The following OTOGL variants were observed in gnomAD, a reference collection of about 807,000 sequenced individuals.
OTOGL encodes the protein otogelin like.
Under a neutral mutation model 318.5 loss-of-function variants are expected in OTOGL, and 285 were observed. The observed-to-expected ratio is 0.89, with a 90% confidence interval of 0.81 to 0.99. The LOEUF (loss-of-function observed/expected upper bound fraction) is 0.99. Ranked by LOEUF, OTOGL falls within the 50% of genes least tolerant of loss-of-function variation. OTOGL has a pLI of 0.00. For synonymous variants in OTOGL, 987 were observed against 936.5 expected, an observed-to-expected ratio of 1.05 and a Z score of -0.99; for missense variants, 2,899 against 2,845.6, an observed-to-expected ratio of 1.02 and a Z score of -0.43.
chr12:80,333,513 A>G (rs1888208345), intron 38 of OTOGL, among the ~76,000 whole-genome samples: 1 of 152,014 alleles, frequency 6.6e-6, no homozygotes, highest in Non-Finnish European at 1.5e-5. Context: ...TATCAAATAT[A>G]CCATTTGCTC....
intron 1 of OTOGL, among the ~76,000 whole-genome samples, chr12:80,171,821 CAACT>C (rs746899544): frequency 3.1e-4 from 47 of 152,164 alleles, no homozygotes; most frequent in African/African-American, 6.3e-4. Context: ...TAGATCTTTT[CAACT>C]AACTATCTTT....
intron 1 of OTOGL, among the ~76,000 whole-genome samples, chr12:80,118,200 C>A (rs1170006561): frequency 6.6e-6 from 1 of 152,118 alleles, no homozygotes; most frequent in Non-Finnish European, 1.5e-5. Context: ...AGTTTGGCAG[C>A]CTCTGATGAG....
At chr12:80,306,181 C>G (rs2137754900) in intron 29 of OTOGL, among the ~76,000 whole-genome samples, 1 of 152,282 alleles carries the variant, frequency 6.6e-6, no homozygotes, top group Non-Finnish European at 1.5e-5. Flanking sequence ...GGTCAACTAC[C>G]TTTGGCAGCA....
intron 16 of OTOGL, among the ~76,000 whole-genome samples, chr12:80,255,598 A>T (rs1304030669): frequency 1.3e-5 from 2 of 151,898 alleles, no homozygotes; most frequent in Non-Finnish European, 2.9e-5. Flanking sequence ...TTTTAAAGAG[A>T]CTATTTTTGA....
At chr12:80,199,100 G>T (rs1001627556) in intron 1 of OTOGL, among the ~76,000 whole-genome samples, 8 of 152,020 alleles carry the variant, frequency 5.3e-5, no homozygotes, top group African/African-American at 1.9e-4. Flanking sequence ...TTCTGTTATT[G>T]GGATGAAGTT....
intron 1 of OTOGL, among the ~76,000 whole-genome samples, chr12:80,204,594 G>T (rs1876684817): frequency 6.6e-6 from 1 of 152,120 alleles, no homozygotes. Flanking sequence ...ATAAAAGCGT[G>T]TAATTTTTGA....
chr12:80,332,926 GC>G, intron 37 of OTOGL, 78 bp from the exon 38 acceptor site: 1 of 1,166,528 alleles, frequency 8.6e-7, no homozygotes. Context: ...AAATTTCTTA[GC>G]ACAGTTTCTG....
intron 20 of OTOGL, chr12:80,266,041 A>G (rs1882933528): frequency 6.4e-6 from 1 of 155,286 alleles, no homozygotes; most frequent in Admixed American, 6.4e-5. Flanking sequence ...CTGGGGGTTG[A>G]CAAGTTACAA....
At chr12:80,247,902 C>T (rs1592602687) in intron 11 of OTOGL, among the ~76,000 whole-genome samples, 1 of 98,732 alleles carries the variant, frequency 1.0e-5, no homozygotes, top group Non-Finnish European at 1.9e-5. Context: ...TGAATTGATC[C>T]CTTTACCATT....
chr12:80,377,371 A>G (rs1891226631), intron 58 of OTOGL, among the ~76,000 whole-genome samples, 169 bp downstream of exon 58: 1 of 152,140 alleles, frequency 6.6e-6, no homozygotes, highest in South Asian at 2.1e-4. Flanking sequence ...AGAAGTATGA[A>G]TTATTCTTAG....
chr12:80,257,703 C>A (rs1162540621), intron 17 of OTOGL, 122 bp from the exon 18 acceptor site: 21 of 1,012,796 alleles, frequency 2.1e-5, no homozygotes, highest in Non-Finnish European at 2.7e-5. Flanking sequence ...AGACAGGAAC[C>A]ACTAGCCTGC....
chr12:80,355,506 G>A lies in OTOGL; in HGVS notation c.5594-230G>A, dbSNP rs369766823. On this transcript the variant is annotated intron_variant, in intron 46 of 58. Transcript: ENST00000547103. ...CCCAAACTGCTGGGATTATAGGCAC[G>A]AGCCACTGCATCTGACCAGGAAAAA... Among the ~76,000 whole-genome samples the A allele has an allele frequency of 1.9e-4, 29 of 152,026 alleles. No homozygotes were observed. The East Asian group carries it at 3.9e-3, about 20-fold the overall frequency.
chr12:80,286,825 C>A (rs1884665300), intron 26 of OTOGL, among the ~76,000 whole-genome samples: 1 of 151,928 alleles, frequency 6.6e-6, no homozygotes, highest in African/African-American at 2.4e-5. Flanking sequence ...TTAATCTTTT[C>A]AAAAAACCAG....
At chr12:80,195,956 A>G (rs1876035213) in intron 1 of OTOGL, among the ~76,000 whole-genome samples, 1 of 152,246 alleles carries the variant, frequency 6.6e-6, no homozygotes, top group South Asian at 2.1e-4. Context: ...TGTGTCATCT[A>G]AAATCATGAA....
In OTOGL at chr12:80,356,906, C is replaced by CT; in HGVS notation, c.6016dup (p.Cys2006LeufsTer4). 6.3e-7 allele frequency: 1 copy of CT among 1,582,272 alleles called. No individual in the cohort carries two copies. Among genetic ancestry groups the CT allele is most frequent in the Non-Finnish European group, 8.6e-7 (1 of 1,162,892 alleles). Reference sequence around the variant, plus strand: ...CAGGAAGAACCTTGTTGTTTTTCCCCTTTTTGTGGTGAGTATTGTAGAGAT... The same window carrying CT: ...CAGGAAGAACCTTGTTGTTTTTCCCCTTTTTTGTGGTGAGTATTGTAGAGAT... On this transcript the variant is annotated frameshift_variant, in exon 49 of 59. Transcript: ENST00000547103. LOFTEE classifies it high-confidence loss of function.
At chr12:80,359,659 CTG>C in intron 52 of OTOGL, among the ~76,000 whole-genome samples, 1 of 152,276 alleles carries the variant, frequency 6.6e-6, no homozygotes, top group African/African-American at 2.4e-5. Context: ...TAGGATGACA[CTG>C]TTTTATTTAA....
At chr12:80,125,980 C>CA (rs1433921271) in intron 1 of OTOGL, among the ~76,000 whole-genome samples, 2 of 151,980 alleles carry the variant, frequency 1.3e-5, no homozygotes, top group Non-Finnish European at 2.9e-5. Context: ...TTGATCTTTT[C>CA]AAAAAACAAG....
At chr12:80,117,070 T>C (rs1004353389) in intron 1 of OTOGL, among the ~76,000 whole-genome samples, 2 of 152,114 alleles carry the variant, frequency 1.3e-5, no homozygotes, top group Non-Finnish European at 2.9e-5. Flanking sequence ...CTGGAGCCCA[T>C]ATGGAGTTGG....
In OTOGL at chr12:80,358,726, T is replaced by C; in HGVS notation, c.6177T>C (p.Asn2059=). 3 of 1,613,344 alleles carry C rather than the reference T, an allele frequency of 1.9e-6. No individual in the cohort carries two copies. The highest frequency in any genetic ancestry group is 2.5e-6 in the Non-Finnish European group (3 of 1,179,516). Residue 2059 remains asparagine, a synonymous_variant, in exon 51 of 59, where the codon AAT becomes AAC. Coordinates refer to ENST00000547103, the MANE Select transcript of OTOGL (RefSeq NM_001378609.3). The part of the protein sequence containing the change: ...MPLLNCAEDM[N]LVKENVSGQC... ...TACTCAACTGTGCAGAAGATATGAA[T>C]CTTGTGAAAGAAAATGTATCTGGTC...
Sources: gnomAD v4.1 joint callset for allele counts (sites outside exome capture counted in the v4.1 genomes callset) on GRCh38, gnomAD v4.1.1 for gene constraint, MANE v1.5 for transcripts, NCBI Gene and HGNC (gene_info 2026-07-23, HGNC 2026-07-21) for gene names.